The following OGG1 variants were observed in gnomAD, a reference collection of about 807,000 sequenced individuals.
The protein encoded by OGG1 is 8-oxoguanine DNA glycosylase.
Under a neutral mutation model 42.3 loss-of-function variants are expected in OGG1, and 35 were observed. The ratio of observed to expected loss-of-function variants is 0.83; its 90% CI spans 0.63 to 1.10. The LOEUF (loss-of-function observed/expected upper bound fraction) is 1.10, where lower values mean the gene tolerates loss of function less well. OGG1 is among the 50% of genes least tolerant of loss of function. The probability of loss-of-function intolerance (pLI) is 0.00; values close to 1 mark genes in which losing one functional copy is unlikely to be tolerated. For synonymous variants in OGG1, 189 were observed against 179.0 expected (o/e 1.06, Z -0.44); for missense variants, 484 against 446.7 (o/e 1.08, Z -0.75).
intron 2 of OGG1, among the ~76,000 whole-genome samples, chr3:9,751,428 C>T (rs1004945315): frequency 6.6e-6 from 1 of 152,184 alleles, no homozygotes; most frequent in African/African-American, 2.4e-5. Flanking sequence ...TGAGCCCATT[C>T]CTGGTTGTGT....
chr3:9,789,863 T>C, downstream of OGG1: 1 of 1,614,290 alleles, frequency 6.2e-7, no homozygotes, highest in Non-Finnish European at 8.5e-7. Context: ...CAGTTTCTGC[T>C]TCTTGGGCTT....
downstream of OGG1, among the ~76,000 whole-genome samples, chr3:9,768,189 G>A (rs1575267158): frequency 6.6e-6 from 1 of 152,310 alleles, no homozygotes; most frequent in South Asian, 2.1e-4. Context: ...CCTGGGGATT[G>A]CTGGGGTGTC....
chr3:9,761,371 G>T, downstream of OGG1: 2 of 1,326,736 alleles, frequency 1.5e-6, no homozygotes, highest in South Asian at 2.8e-5. Context: ...AAGGAAGGGA[G>T]GGCAGAGGGA....
downstream of OGG1, chr3:9,766,819 CCT>C (rs2078167131): frequency 5.4e-6 from 1 of 186,024 alleles, no homozygotes; most frequent in South Asian, 1.4e-4. Context: ...CAGTCTTGTC[CCT>C]CTCCAATTTA....
intron 7 of OGG1, chr3:9,765,668 T>G: frequency 7.0e-7 from 1 of 1,434,290 alleles, no homozygotes; most frequent in South Asian, 1.2e-5. Context: ...GCTTAGAGAG[T>G]TTAAATGATT....
downstream of OGG1, chr3:9,758,046 T>C (rs890750127): frequency 1.4e-6 from 1 of 704,540 alleles, no homozygotes; most frequent in Non-Finnish European, 2.2e-6. Flanking sequence ...ATATGTTAGA[T>C]GTATGTGTAT....
chr3:9,761,294 T>C, downstream of OGG1: 4 of 711,830 alleles, frequency 5.6e-6, no homozygotes, highest in South Asian at 8.1e-5. Flanking sequence ...GGCACAGTGC[T>C]TGAAACATAG....
chr3:9,759,994 G>C, downstream of OGG1: 1 of 467,708 alleles, frequency 2.1e-6, no homozygotes, highest in Non-Finnish European at 3.8e-6. Flanking sequence ...TGTAATCCCA[G>C]CACTTTGGGA....
At chr3:9,768,590 C>A (rs191594739), downstream of OGG1, among the ~76,000 whole-genome samples, 6 of 152,284 alleles carry the variant, frequency 3.9e-5, no homozygotes, top group East Asian at 1.2e-3. Flanking sequence ...GGCCTGGGGC[C>A]CCCAGCTAAG....
At chr3:9,767,742 C>T (rs113139851), downstream of OGG1, 1,803 of 1,614,040 alleles carry the variant, frequency 1.1e-3, 9 homozygotes, top group Middle Eastern at 0.01. Context: ...TTCCACTGCC[C>T]CCAGCATGGC....
At chr3:9,760,679 T>C, downstream of OGG1, 1 of 1,613,972 alleles carries the variant, frequency 6.2e-7, no homozygotes, top group Admixed American at 1.7e-5. Flanking sequence ...GTCGTCCCAG[T>C]AAGGAGAGTC....
downstream of OGG1, chr3:9,789,817 T>A: frequency 6.2e-7 from 1 of 1,614,270 alleles, no homozygotes; most frequent in Non-Finnish European, 8.5e-7. Context: ...TGGGCCGTCC[T>A]GGGCCAGGGC....
intron 7 of OGG1, chr3:9,763,185 C>A: frequency 6.2e-7 from 1 of 1,613,934 alleles, no homozygotes; most frequent in Non-Finnish European, 8.5e-7. Flanking sequence ...TAGATGTCAT[C>A]CAGGGCTACA....
chr3:9,763,629 A>T (rs1291657715), intron 7 of OGG1, among the ~76,000 whole-genome samples: 1 of 152,122 alleles, frequency 6.6e-6, no homozygotes, highest in African/African-American at 2.4e-5. Context: ...TGCCCGTCAC[A>T]TGCTATTTGG....
At chr3:9,755,874 A>G (rs899939253) in intron 4 of OGG1, among the ~76,000 whole-genome samples, 9 of 152,042 alleles carry the variant, frequency 5.9e-5, no homozygotes, top group African/African-American at 2.2e-4. Context: ...GCCTATTCTC[A>G]GCCATGTGAC....
downstream of OGG1, chr3:9,759,229 C>G (rs762378576): frequency 6.2e-7 from 1 of 1,614,104 alleles, no homozygotes; most frequent in African/African-American, 1.3e-5. Flanking sequence ...TCTCGGACCC[C>G]ATAGGCTGGA....
intron 1 of OGG1, 25 bp from the exon 2 acceptor site, chr3:9,750,920 G>C: frequency 6.2e-7 from 1 of 1,613,560 alleles, no homozygotes; most frequent in Non-Finnish European, 8.5e-7. Context: ...TTGAGTGCCA[G>C]GGTTGTCATG....
downstream of OGG1, chr3:9,761,404 A>G (rs991326251): frequency 1.9e-6 from 3 of 1,547,768 alleles, no homozygotes; most frequent in African/African-American, 2.7e-5. Context: ...GAAGAGAGGA[A>G]AGTAGGCGAG....
At chr3:9,785,499 C>T in intron 3 of OGG1, 1 of 1,012,834 alleles carries the variant, frequency 9.9e-7, no homozygotes, top group Non-Finnish European at 1.5e-6. Flanking sequence ...CCTACACTGA[C>T]AGTCTTCAAA....
Sources: allele counts gnomAD v4.1 joint callset (sites outside exome capture counted in the v4.1 genomes callset), GRCh38; gene constraint gnomAD v4.1.1; transcripts MANE v1.5; gene names NCBI Gene and HGNC (gene_info 2026-07-23, HGNC 2026-07-21).